Variants in VSIG10 observed in about 807,000 individuals in gnomAD.
VSIG10 encodes the protein V-set and immunoglobulin domain containing 10.
A neutral mutation model predicts 58.7 loss-of-function variants in VSIG10; 48 were observed. That is an observed-to-expected ratio of 0.82 (90% confidence interval 0.65 to 1.04). VSIG10 has a LOEUF of 1.04. Among genes scored for constraint, VSIG10 ranks in the 50% least tolerant of loss-of-function variants. The pLI is 0.00. For synonymous variants in VSIG10, 260 were observed against 267.1 expected, an observed-to-expected ratio of 0.97 and a Z score of 0.26; for missense variants, 628 against 670.0, an observed-to-expected ratio of 0.94 and a Z score of 0.69.
intron 7 of VSIG10, 138 bp from the exon 8 acceptor site, chr12:118,068,735 G>T: frequency 8.9e-7 from 1 of 1,123,726 alleles, no homozygotes; most frequent in Non-Finnish European, 1.2e-6. Flanking sequence ...GTAATGAGGT[G>T]ATGGTGTGGT....
At chr12:118,077,175 C>T (rs368422247) in intron 4 of VSIG10, among the ~76,000 whole-genome samples, 21 of 152,294 alleles carry the variant, frequency 1.4e-4, no homozygotes, top group Admixed American at 7.9e-4. Flanking sequence ...CACGATGCCC[C>T]GGCCACACTG....
At position 118,103,462 on chromosome 12, in the gene VSIG10, T is replaced by C. The variant is rs1592905360; in HGVS notation, c.79+131A>G. 4.2e-6 allele frequency: 4 copies of C among 956,188 alleles called. No individual in the cohort carries two copies. The East Asian group carries it at 1.0e-4, about 24-fold the overall frequency. 59.2% of individuals were successfully genotyped at this position (956,188 alleles called of 1,614,324 possible). On this transcript the variant is annotated intron_variant, in intron 1 of 8. Transcript: ENST00000359236. ...AGCTGCGAGCAGGAAACCAAGACCC[T>C]CCTGGGGCAGCTTCTAGGCTGGGGC...
chr12:118,096,344 C>T (rs1022987740), intron 1 of VSIG10, among the ~76,000 whole-genome samples: 2 of 151,044 alleles, frequency 1.3e-5, no homozygotes, highest in Non-Finnish European at 2.9e-5. Flanking sequence ...TTTGGGAGGC[C>T]AAGGCGGGCG....
At chr12:118,095,132 C>T (rs563921991) in intron 2 of VSIG10, among the ~76,000 whole-genome samples, 5 of 152,136 alleles carry the variant, frequency 3.3e-5, no homozygotes, top group African/African-American at 1.2e-4. Flanking sequence ...CTCAATGTCT[C>T]GACCTTGTGA....
chr12:118,102,518 C>T (rs1016004892), intron 1 of VSIG10: 4 of 152,016 alleles, frequency 2.6e-5, no homozygotes, highest in Non-Finnish European at 4.4e-5. Context: ...AAGCAGGCCC[C>T]GTGTTGCCAG....
At chr12:118,084,347 C>G (rs1857892130) in intron 2 of VSIG10, among the ~76,000 whole-genome samples, 1 of 152,190 alleles carries the variant, frequency 6.6e-6, no homozygotes, top group African/African-American at 2.4e-5. Flanking sequence ...CAGCTATTTA[C>G]TCTTTAGACC....
rs1231683143 is a variant in VSIG10 at position 118,103,847 on chromosome 12, G to A, written c.-176C>T. ...TGGCTGAGCCGAGTGTCCAGGGCCGGCAGCGGAGCTCGGCTGCAGGCTCGG... is the reference window on the plus strand; with the variant it reads ...TGGCTGAGCCGAGTGTCCAGGGCCGACAGCGGAGCTCGGCTGCAGGCTCGG... On this transcript the variant is annotated 5_prime_UTR_variant, in exon 1 of 9. Transcript: ENST00000359236. 5.4e-6 allele frequency: 3 copies of A among 553,598 alleles called. No individual in the cohort carries two copies. Among genetic ancestry groups the A allele is most frequent in the Non-Finnish European group, 8.6e-6 (3 of 349,986 alleles). 34.3% of individuals were successfully genotyped at this position (553,598 alleles called of 1,614,324 possible).
intron 1 of VSIG10, 73 bp downstream of exon 1, chr12:118,103,520 G>A: frequency 7.1e-7 from 1 of 1,405,526 alleles, no homozygotes; most frequent in Non-Finnish European, 9.4e-7. Context: ...GGAGGGAATT[G>A]GGTCTCTCGC....
Position 118,068,384 on chromosome 12 carries a change from A to G in VSIG10, c.1560T>C (p.Asp520=). ...TAAGGAAAAAGAGCTTACCTTGAAG[A>G]TCCTGGAATCCATTTCCCATCTGTT... ...NIEQMGNGFQ[D]LQDDSSEEQS... Residue 520 remains aspartate, a synonymous_variant, in exon 8 of 9, where the codon GAT becomes GAC. Coordinates refer to ENST00000359236, the MANE Select transcript of VSIG10 (RefSeq NM_019086.6). The G allele has an allele frequency of 1.2e-6, 2 of 1,612,664 alleles. No individual in the cohort carries two copies. Among genetic ancestry groups the G allele is most frequent in the Non-Finnish European group, 1.7e-6 (2 of 1,179,444 alleles).
intron 5 of VSIG10, among the ~76,000 whole-genome samples, chr12:118,071,760 A>G (rs557612383): frequency 2.0e-5 from 3 of 152,384 alleles, no homozygotes; most frequent in African/African-American, 7.2e-5. Flanking sequence ...GAGAGTTATC[A>G]ATGCCATGAT....
rs1305749100 is a variant in VSIG10 at position 118,082,149 on chromosome 12, C to G, written c.642G>C (p.Val214=). ...LNQLSKRHRK[V]TTELLVYYPP... is the part of the protein sequence containing the mutation. ...CACAGTAGACCAGGAGCTCGGTGGT[C>G]ACCTTTCGATGTCTCTTGCTGAGCT... Residue 214 remains valine, a synonymous_variant, in exon 3 of 9, where the codon GTG becomes GTC. Transcript: ENST00000359236. 1 of 1,613,532 alleles carries G rather than the reference C, an allele frequency of 6.2e-7. No individual in the cohort carries two copies. The highest frequency in any genetic ancestry group is 8.5e-7 in the Non-Finnish European group (1 of 1,179,740).
chr12:118,089,017 G>A lies in VSIG10; in HGVS notation c.361+6516C>T, dbSNP rs1015555221. Among the ~76,000 whole-genome samples, 5 of 150,146 alleles carry A rather than the reference G, an allele frequency of 3.3e-5. No homozygotes were observed. The Admixed American group carries it at 3.3e-4, about 10-fold the overall frequency. On this transcript the variant is annotated intron_variant, in intron 2 of 8. Coordinates refer to ENST00000359236, the MANE Select transcript of VSIG10 (RefSeq NM_019086.6). ...GGCTGGGGTGCAGTGGTGCCATCTC[G>A]GCTCACTGCAACCTCCGCCCTCCCC...
chr12:118,089,955 G>C (rs946528801), intron 2 of VSIG10, among the ~76,000 whole-genome samples: 1 of 152,086 alleles, frequency 6.6e-6, no homozygotes, highest in Non-Finnish European at 1.5e-5. Flanking sequence ...CATTTTCCAT[G>C]TGCAAATGAA....
intron 2 of VSIG10, among the ~76,000 whole-genome samples, chr12:118,087,855 AAGAG>A (rs1555273648): frequency 3.8e-5 from 5 of 131,242 alleles, no homozygotes; most frequent in African/African-American, 7.9e-5. Context: ...AAAAAAAAAA[AAGAG>A]AGAGAAGGAG....
At chr12:118,072,561 G>A (rs990679522) in intron 5 of VSIG10, among the ~76,000 whole-genome samples, 1 of 151,298 alleles carries the variant, frequency 6.6e-6, no homozygotes, top group Non-Finnish European at 1.5e-5. Context: ...AAGGGAGAAG[G>A]GAAGGGAAGA....
At chr12:118,097,808 A>C (rs1018847528) in intron 1 of VSIG10, among the ~76,000 whole-genome samples, 5 of 152,014 alleles carry the variant, frequency 3.3e-5, no homozygotes, top group African/African-American at 1.2e-4. Flanking sequence ...CTGTAATCCC[A>C]GCTACTCGGG....
At chr12:118,067,759 G>A (rs1310752731) in intron 8 of VSIG10, among the ~76,000 whole-genome samples, 1 of 151,786 alleles carries the variant, frequency 6.6e-6, no homozygotes, top group African/African-American at 2.4e-5. Context: ...ACCGCACCTG[G>A]CCTGAACTGG....
At chr12:118,075,154 ATATATATG>A (rs61547768) in intron 4 of VSIG10, among the ~76,000 whole-genome samples, 46,373 of 146,240 alleles carry the variant, frequency 0.32, 7,661 homozygotes, top group African/African-American at 0.42. Flanking sequence ...GTGTATATGT[ATATATATG>A]TATATATATG....
rs150958414 is a variant in VSIG10 at position 118,064,351 on chromosome 12, A to T, written c.*2288T>A. 1 of 152,058 alleles carries T rather than the reference A, an allele frequency of 6.6e-6. No homozygotes were observed. Among genetic ancestry groups the T allele is most frequent in the Non-Finnish European group, 1.5e-5 (1 of 68,030 alleles). 9.4% of individuals were successfully genotyped at this position (152,058 alleles called of 1,614,324 possible). A position where few individuals can be genotyped will look rare whatever the true frequency, so the allele number is the denominator to read the frequency against. On this transcript the variant is annotated 3_prime_UTR_variant, in exon 9 of 9. Coordinates refer to ENST00000359236, the MANE Select transcript of VSIG10 (RefSeq NM_019086.6). ...GTGGAAAAACCCTCAAATATTTCCT[A>T]TCAACAGATGTGTGTGCTAGAGAAG...
Sources: gnomAD v4.1 joint callset for allele counts (sites outside exome capture counted in the v4.1 genomes callset) on GRCh38, gnomAD v4.1.1 for gene constraint, MANE v1.5 for transcripts, NCBI Gene and HGNC (gene_info 2026-07-23, HGNC 2026-07-21) for gene names.